The following PDE1A variants were observed in gnomAD, a reference collection of about 807,000 sequenced individuals.
PDE1A encodes the protein phosphodiesterase 1A.
Under a neutral mutation model 61.7 loss-of-function variants are expected in PDE1A, and 35 were observed. The ratio of observed to expected loss-of-function variants is 0.57; its 90% CI spans 0.43 to 0.75. PDE1A has a LOEUF of 0.75. PDE1A is among the 30% of genes least tolerant of loss of function. PDE1A has a pLI of 0.00. For synonymous variants in PDE1A, 232 were observed against 213.2 expected (o/e 1.09, Z -0.77); for missense variants, 597 against 630.6 (o/e 0.95, Z 0.57).
the PDE1A span, among the ~76,000 whole-genome samples, chr2:182,635,947 A>ATTTTTTTT: frequency 1.8e-5 from 1 of 55,272 alleles, no homozygotes; most frequent in Non-Finnish European, 3.2e-5. Context: ...TCTCACCGGT[A>ATTTTTTTT]TTTTTTTTTT....
At chr2:182,626,758 T>TAC in the PDE1A span, among the ~76,000 whole-genome samples, 8 of 9,992 alleles carry the variant, frequency 8.0e-4, 1 homozygote, top group East Asian at 4.1e-3. Context: ...CATATATATA[T>TAC]ATACATATAT....
chr2:182,527,452 G>C (rs892870651), upstream of PDE1A, among the ~76,000 whole-genome samples: 2 of 147,220 alleles, frequency 1.4e-5, no homozygotes, highest in Non-Finnish European at 3.0e-5. Context: ...CTGCTACTTG[G>C]GGGGCTGAGG....
chr2:182,148,361 A>G (rs990464884), intron 13 of PDE1A, among the ~76,000 whole-genome samples: 2 of 152,150 alleles, frequency 1.3e-5, no homozygotes, highest in African/African-American at 4.8e-5. Flanking sequence ...ACTCCTAAGC[A>G]TGGGAGAGAA....
At chr2:182,266,594 G>T (rs1166350028) in intron 1 of PDE1A, among the ~76,000 whole-genome samples, 2 of 152,076 alleles carry the variant, frequency 1.3e-5, no homozygotes, top group Non-Finnish European at 2.9e-5. Context: ...ATTTGTTAGC[G>T]ATTTTCCCAC....
chr2:182,368,652 T>G (rs1490628581), intron 1 of PDE1A, among the ~76,000 whole-genome samples: 2 of 152,182 alleles, frequency 1.3e-5, no homozygotes, highest in Non-Finnish European at 2.9e-5. Flanking sequence ...TAGAGCTTTA[T>G]GCAATCTCAT....
chr2:182,618,341 A>C, the PDE1A span, among the ~76,000 whole-genome samples: 1 of 152,204 alleles, frequency 6.6e-6, no homozygotes, highest in Non-Finnish European at 1.5e-5. Context: ...ACATTGAATA[A>C]GTGGATATTT....
intron 2 of PDE1A, among the ~76,000 whole-genome samples, chr2:182,460,717 T>C (rs1007096019): frequency 6.6e-6 from 1 of 152,212 alleles, no homozygotes; most frequent in Admixed American, 6.5e-5. Flanking sequence ...AATGTTCAAC[T>C]GTATTTGAAC....
chr2:182,222,557 C>A (rs572524058), intron 7 of PDE1A, among the ~76,000 whole-genome samples: 6 of 152,058 alleles, frequency 3.9e-5, no homozygotes, highest in African/African-American at 1.2e-4. Flanking sequence ...TAGTTAATAA[C>A]AATGTATCGA....
intron 2 of PDE1A, among the ~76,000 whole-genome samples, chr2:182,502,791 C>A (rs1396647958): frequency 6.6e-6 from 1 of 152,092 alleles, no homozygotes; most frequent in Non-Finnish European, 1.5e-5. Flanking sequence ...CTGACCTGAA[C>A]TGAGAGGAGA....
the PDE1A span, among the ~76,000 whole-genome samples, chr2:182,586,319 C>A: frequency 5.3e-5 from 8 of 152,280 alleles, no homozygotes; most frequent in African/African-American, 1.9e-4. Flanking sequence ...ACATCCCAGC[C>A]TGAACCTTGT....
At chr2:182,428,711 G>T (rs1703765553), upstream of PDE1A, among the ~76,000 whole-genome samples, 1 of 152,064 alleles carries the variant, frequency 6.6e-6, no homozygotes, top group Non-Finnish European at 1.5e-5. Flanking sequence ...GAGGGATTTT[G>T]CGTTTGTGGG....
chr2:182,602,087 C>T, the PDE1A span, among the ~76,000 whole-genome samples: 1,184 of 152,338 alleles, frequency 7.8e-3, 14 homozygotes, highest in African/African-American at 0.026. Flanking sequence ...AGGTTCAGCC[C>T]CAACTTTGCT....
chr2:182,694,915 G>T, the PDE1A span, among the ~76,000 whole-genome samples: 1 of 151,066 alleles, frequency 6.6e-6, no homozygotes, highest in Admixed American at 6.6e-5. Context: ...TATGATGATG[G>T]GATTATTGAT....
chr2:182,546,649 C>A, the PDE1A span, among the ~76,000 whole-genome samples: 2 of 152,206 alleles, frequency 1.3e-5, no homozygotes, highest in African/African-American at 4.8e-5. Context: ...AGATTCCAGC[C>A]AACTTGCTGT....
intron 11 of PDE1A, among the ~76,000 whole-genome samples, chr2:182,186,986 C>A (rs183156720): frequency 3.3e-5 from 5 of 152,242 alleles, no homozygotes; most frequent in Non-Finnish European, 7.4e-5. Context: ...GGATTTTATT[C>A]TTTACTAACA....
chr2:182,452,255 A>G (rs1685575408), intron 2 of PDE1A, among the ~76,000 whole-genome samples: 1 of 152,120 alleles, frequency 6.6e-6, no homozygotes, highest in Admixed American at 6.6e-5. Flanking sequence ...TCTAAGGTTA[A>G]GAGTGAACAT....
At chr2:182,627,322 A>T in the PDE1A span, among the ~76,000 whole-genome samples, 1 of 111,798 alleles carries the variant, frequency 8.9e-6, no homozygotes, top group African/African-American at 3.6e-5. Flanking sequence ...TATATATATT[A>T]TATATATAAA....
chr2:182,530,704 C>A, the PDE1A span, among the ~76,000 whole-genome samples: 58 of 151,940 alleles, frequency 3.8e-4, no homozygotes, highest in Non-Finnish European at 4.7e-4. Flanking sequence ...GAAGGTAAAA[C>A]TAAGACAATA....
rs2125993349 is a variant in PDE1A at position 182,522,529 on chromosome 2, A to G, written c.-11+136T>C. On this transcript the variant is annotated intron_variant, in intron 1 of 14. Transcript: ENST00000410103. Reference sequence around the variant, plus strand: ...CAAAGCTGAGGGAAGACTCTGACAGATTTGCTATTGACTTTGACAGGCATA... The same window carrying G: ...CAAAGCTGAGGGAAGACTCTGACAGGTTTGCTATTGACTTTGACAGGCATA... 2.1e-6 allele frequency: 3 copies of G among 1,447,930 alleles called. No homozygotes were observed. The South Asian group carries it at 4.4e-5, about 21-fold the overall frequency. The allele number at this position is 1,447,930 out of a possible 1,614,324, so 89.7% of individuals were successfully genotyped here. A position where few individuals can be genotyped will look rare whatever the true frequency, so the allele number is the denominator to read the frequency against.
Sources: gnomAD v4.1 joint callset for allele counts (sites outside exome capture counted in the v4.1 genomes callset) on GRCh38, gnomAD v4.1.1 for gene constraint, MANE v1.5 for transcripts, NCBI Gene and HGNC (gene_info 2026-07-23, HGNC 2026-07-21) for gene names.